Variants in GRID2 observed in about 807,000 individuals in gnomAD.
GRID2 encodes glutamate receptor ionotropic, delta-2.
Under a neutral mutation model 114.8 loss-of-function variants are expected in GRID2, and 33 were observed. That is an observed-to-expected ratio of 0.29 (90% CI 0.22 to 0.38). The LOEUF is 0.38. Ranked by LOEUF, GRID2 falls within the 10% of genes least tolerant of loss-of-function variation. The pLI is 1.00. For synonymous variants in GRID2, 505 were observed against 449.9 expected (o/e 1.12, Z -1.55); for missense variants, 1,184 against 1,257.7 (o/e 0.94, Z 0.89).
chr4:92,718,824 T>C (rs2149315798), intron 2 of GRID2, among the ~76,000 whole-genome samples: 1 of 145,336 alleles, frequency 6.9e-6, no homozygotes, highest in East Asian at 2.1e-4. Flanking sequence ...GAAACAGGAA[T>C]AATCTTTTAC....
chr4:92,725,155 G>A (rs1466936303), intron 2 of GRID2, among the ~76,000 whole-genome samples: 1 of 152,066 alleles, frequency 6.6e-6, no homozygotes, highest in Non-Finnish European at 1.5e-5. Flanking sequence ...ATGAAAATTA[G>A]CCCAGTGTGT....
intron 4 of GRID2, among the ~76,000 whole-genome samples, chr4:93,139,680 A>C (rs1735579987): frequency 6.6e-6 from 1 of 151,838 alleles, no homozygotes; most frequent in Admixed American, 6.6e-5. Context: ...AATAAACTTA[A>C]ATCAGCATCA....
At chr4:92,802,596 A>G (rs577390539) in intron 2 of GRID2, among the ~76,000 whole-genome samples, 3 of 152,020 alleles carry the variant, frequency 2.0e-5, no homozygotes, top group South Asian at 2.1e-4. Flanking sequence ...CAGTTATTAT[A>G]CAAGTAATTC....
intron 4 of GRID2, among the ~76,000 whole-genome samples, chr4:93,159,693 A>ATTTTTTT (rs34480915): frequency 7.6e-6 from 1 of 131,092 alleles, no homozygotes; most frequent in Admixed American, 7.9e-5. Context: ...TTCCATCTGC[A>ATTTTTTT]TTTTTTTTTT....
At chr4:93,451,597 G>T (rs1722690317) in intron 10 of GRID2, among the ~76,000 whole-genome samples, 1 of 152,014 alleles carries the variant, frequency 6.6e-6, no homozygotes, top group Admixed American at 6.6e-5. Flanking sequence ...TTAAAGTGTG[G>T]CAGGAGACAG....
intron 2 of GRID2, among the ~76,000 whole-genome samples, chr4:92,713,908 A>G (rs1264062010): frequency 1.3e-5 from 2 of 152,034 alleles, no homozygotes; most frequent in African/African-American, 4.8e-5. Context: ...GCCAAACCAT[A>G]TCATTCTACC....
intron 13 of GRID2, among the ~76,000 whole-genome samples, chr4:93,588,348 G>C (rs1008519983): frequency 6.6e-6 from 1 of 151,990 alleles, no homozygotes; most frequent in Non-Finnish European, 1.5e-5. Context: ...TCATTATGTT[G>C]TAAATGTTTT....
chr4:92,412,130 T>TGC (rs895471069), intron 1 of GRID2, among the ~76,000 whole-genome samples: 21 of 152,160 alleles, frequency 1.4e-4, no homozygotes, highest in African/African-American at 4.8e-4. Flanking sequence ...TGTGTGTGTG[T>TGC]GTGTGTGGTG....
intron 2 of GRID2, among the ~76,000 whole-genome samples, chr4:92,787,960 T>TG: frequency 6.6e-6 from 1 of 151,902 alleles, no homozygotes. Flanking sequence ...GCTGTATAAA[T>TG]GGAACATACA....
intron 13 of GRID2, among the ~76,000 whole-genome samples, chr4:93,526,624 A>T (rs545704898): frequency 4.4e-4 from 67 of 152,296 alleles, no homozygotes; most frequent in African/African-American, 1.6e-3. Flanking sequence ...AGCCTGACCA[A>T]TATGGGGAAA....
chr4:93,188,904 T>C (rs1740698421), intron 4 of GRID2, among the ~76,000 whole-genome samples: 1 of 152,200 alleles, frequency 6.6e-6, no homozygotes. Flanking sequence ...TTCTCATTTC[T>C]ATCTGAGACC....
chr4:92,540,525 A>T (rs2149161989), intron 1 of GRID2, among the ~76,000 whole-genome samples: 1 of 152,378 alleles, frequency 6.6e-6, no homozygotes, highest in Admixed American at 6.5e-5. Context: ...TTATGCAGCC[A>T]AAAGACACAT....
chr4:92,573,927 C>T (rs1301095787), intron 1 of GRID2, among the ~76,000 whole-genome samples: 1 of 151,958 alleles, frequency 6.6e-6, no homozygotes, highest in Non-Finnish European at 1.5e-5. Flanking sequence ...CACAGTATTA[C>T]TTTGTAGAAG....
At chr4:93,690,089 T>C (rs952536231) in intron 14 of GRID2, among the ~76,000 whole-genome samples, 9 of 152,024 alleles carry the variant, frequency 5.9e-5, no homozygotes, top group Admixed American at 5.9e-4. Flanking sequence ...GATAAACTTA[T>C]TTGCAAATCT....
chr4:93,628,789 T>C (rs1271127484), intron 14 of GRID2, among the ~76,000 whole-genome samples: 1 of 145,858 alleles, frequency 6.9e-6, no homozygotes, highest in Non-Finnish European at 1.5e-5. Context: ...TTTTGAGACA[T>C]TGTTTCGCTC....
At chr4:92,433,675 T>C (rs952353385) in intron 1 of GRID2, among the ~76,000 whole-genome samples, 2 of 152,192 alleles carry the variant, frequency 1.3e-5, no homozygotes, top group African/African-American at 4.8e-5. Context: ...AATATAATGT[T>C]ACAACCAGGT....
intron 13 of GRID2, among the ~76,000 whole-genome samples, chr4:93,590,308 G>T (rs1214392350): frequency 3.3e-5 from 5 of 150,430 alleles, no homozygotes; most frequent in African/African-American, 1.2e-4. Context: ...TTATTAAATA[G>T]GGAATCCTTT....
chr4:92,342,588 T>TTC (rs1560576796), intron 1 of GRID2, among the ~76,000 whole-genome samples: 4 of 152,236 alleles, frequency 2.6e-5, no homozygotes, highest in Admixed American at 2.6e-4. Flanking sequence ...AGAAAGGTGT[T>TTC]CTTGGAAGGA....
At chr4:93,469,455 T>C (rs1724597310) in intron 11 of GRID2, among the ~76,000 whole-genome samples, 1 of 151,928 alleles carries the variant, frequency 6.6e-6, no homozygotes. Context: ...TTATTATTTT[T>C]ATTTATTTAA....
Sources: gnomAD v4.1 joint callset for allele counts (sites outside exome capture counted in the v4.1 genomes callset) on GRCh38, gnomAD v4.1.1 for gene constraint, MANE v1.5 for transcripts, NCBI Gene and HGNC (gene_info 2026-07-23, HGNC 2026-07-21) for gene names.